The following MFHAS1 variants were observed in gnomAD, a reference collection of about 807,000 sequenced individuals.
MFHAS1 encodes multifunctional ROCO family signaling regulator 1, also known as malignant fibrous histiocytoma-amplified sequence 1.
In MFHAS1, 50 loss-of-function variants were observed where a neutral mutation model predicts 70.4. That is an observed-to-expected ratio of 0.71 (90% CI 0.57 to 0.90). The LOEUF is 0.90. Ranked by LOEUF, MFHAS1 falls within the 40% of genes least tolerant of loss-of-function variation. MFHAS1 has a pLI of 0.00. For missense variants in MFHAS1, 1,795 were observed against 1,347.6 expected, an observed-to-expected ratio of 1.33 and a Z score of -5.20; for synonymous variants, 952 against 620.0, an observed-to-expected ratio of 1.54 and a Z score of -7.96.
In MFHAS1 at chr8:8,892,922, T is replaced by C. The variant is rs555281714; in HGVS notation, c.137A>G (p.Asp46Gly). ...GGGGGAGGCGGGGGACTCGAGCGCG[T>C]CGGCCCCGGCCCCGGGGCAGGCCCC... ...AAGACPGAGADALESPASPQL... is the reference protein window; with the variant it reads ...AAGACPGAGAGALESPASPQL... Residue 46 changes from aspartate to glycine, a missense_variant, in exon 1 of 3, where the codon GAC (aspartate) becomes GGC (glycine). By Grantham distance (94) the Asp-to-Gly change is moderately conservative. Coordinates refer to ENST00000276282, the MANE Select transcript of MFHAS1 (RefSeq NM_004225.3). The surrounding 1 kb of genome is among the most constrained non-coding windows in gnomAD (Gnocchi z 4.7). The C allele has an allele frequency of 1.3e-6, 2 of 1,555,092 alleles. No homozygotes were observed. Among genetic ancestry groups the C allele is most frequent in the East Asian group, 2.4e-5 (1 of 41,374 alleles).
rs185179767 is a variant in MFHAS1 at position 8,784,641 on chromosome 8, G to C, written c.*1381C>G. 1.3e-5 allele frequency: 2 copies of C among 152,228 alleles called. No individual in the cohort carries two copies. The highest frequency in any genetic ancestry group is 1.3e-4 in the Admixed American group (2 of 15,290). The allele number at this position is 152,228 out of a possible 1,614,324, so 9.4% of individuals were successfully genotyped here. A position where few individuals can be genotyped will look rare whatever the true frequency, so the allele number is the denominator to read the frequency against. On this transcript the variant is annotated 3_prime_UTR_variant, in exon 3 of 3. Coordinates refer to ENST00000276282, the MANE Select transcript of MFHAS1 (RefSeq NM_004225.3). ...TTCCAAGAGTCAATACTTTACAAAA[G>C]AAGTAAAAGAGTAGCGAGTACCAGC...
In MFHAS1 at chr8:8,892,930, G is replaced by C. The variant is rs1174733837; in HGVS notation, c.129C>G (p.Ala43=). ...TLTAAGACPG[A]GADALESPAS... ...CGGGGGACTCGAGCGCGTCGGCCCC[G>C]GCCCCGGGGCAGGCCCCGGCGGCGG... The change falls in exon 1 of 3, where the codon GCC becomes GCG. Residue 43 remains alanine (A), a synonymous_variant. Transcript: ENST00000276282. This position sits in a 1 kb window ranked among gnomAD's most constrained non-coding sequence, Gnocchi z 4.7. The C allele has an allele frequency of 7.7e-6, 12 of 1,548,776 alleles. No homozygotes were observed. The highest frequency in any genetic ancestry group is 1.8e-4 in the Middle Eastern group (1 of 5,410).
In MFHAS1 at chr8:8,891,384, C is replaced by T. The variant is rs748875982; in HGVS notation, c.1675G>A (p.Ala559Thr). 26 of 1,611,628 alleles carry T rather than the reference C, an allele frequency of 1.6e-5. No individual in the cohort carries two copies. In the East Asian group the frequency reaches 1.8e-4, roughly 11 times the overall value. Reference sequence around the variant, plus strand: ...TCCGCGTCGTGCTTCTCCTGCAGGGCGATCTGGCGGTGAATGTCCAGACAT... The same window carrying T: ...TCCGCGTCGTGCTTCTCCTGCAGGGTGATCTGGCGGTGAATGTCCAGACAT... ...EKCLDIHRQI[A>T]LQEKHDAEGL... The change falls in exon 1 of 3, where the codon GCC (alanine) becomes ACC (threonine). Residue 559 changes from alanine (A) to threonine (T), a missense_variant. Ala to Thr is a moderately conservative substitution (Grantham distance 58). Transcript: ENST00000276282. This position sits in a 1 kb window ranked among gnomAD's most constrained non-coding sequence, Gnocchi z 5.4.
intron 1 of MFHAS1, among the ~76,000 whole-genome samples, chr8:8,832,076 A>ACACACACG (rs1554481396): frequency 6.6e-6 from 1 of 151,764 alleles, no homozygotes; most frequent in Non-Finnish European, 1.5e-5. Context: ...ACACACACAC[A>ACACACACG]CACACACACA....
At position 8,846,888 on chromosome 8, in the gene MFHAS1, G is replaced by C. The variant is rs116326848; in HGVS notation, c.2998+43173C>G. 6.7e-3 allele frequency among the ~76,000 whole-genome samples: 1,019 copies of C among 152,120 alleles called. 16 individuals are homozygous for C. The highest frequency in any genetic ancestry group is 0.023 in the African/African-American group (970 of 41,484). ...TAAAACCCATAAAAACAATGACTTTGTGCAGTGTCTACGATGACCTTTGAT... is the reference window on the plus strand; with the variant it reads ...TAAAACCCATAAAAACAATGACTTTCTGCAGTGTCTACGATGACCTTTGAT... On this transcript the variant is annotated intron_variant, in intron 1 of 2. Coordinates refer to ENST00000276282, the MANE Select transcript of MFHAS1 (RefSeq NM_004225.3).
At chr8:8,824,405 C>CCT (rs1314639399) in intron 1 of MFHAS1, among the ~76,000 whole-genome samples, 56 of 152,210 alleles carry the variant, frequency 3.7e-4, no homozygotes, top group African/African-American at 1.3e-3. Context: ...CAGAAAAGAT[C>CCT]CAGTCTCCCT....
chr8:8,848,911 G>A (rs1808134776), intron 1 of MFHAS1, among the ~76,000 whole-genome samples: 1 of 152,010 alleles, frequency 6.6e-6, no homozygotes, highest in African/African-American at 2.4e-5. Context: ...TTCTTCTGAA[G>A]GTAGGAAGAG....
intron 1 of MFHAS1, among the ~76,000 whole-genome samples, chr8:8,860,681 G>A (rs1448817923): frequency 6.6e-6 from 1 of 152,156 alleles, no homozygotes; most frequent in Non-Finnish European, 1.5e-5. Context: ...GCCTCACTTA[G>A]GACTGAGGGC....
intron 1 of MFHAS1, among the ~76,000 whole-genome samples, chr8:8,861,881 G>A (rs572271260): frequency 2.6e-5 from 4 of 152,280 alleles, no homozygotes; most frequent in East Asian, 1.9e-4. Context: ...CATCCATGTC[G>A]CTTTATCAGT....
chr8:8,832,731 C>T lies in MFHAS1; in HGVS notation c.2999-35240G>A, dbSNP rs541470518. Reference sequence around the variant, plus strand: ...GCCACCTTGAACTCCTAGGCTCAAGCGTTCCTCCCACTTCAGCCTCCTGAC... The same window carrying T: ...GCCACCTTGAACTCCTAGGCTCAAGTGTTCCTCCCACTTCAGCCTCCTGAC... On this transcript the variant is annotated intron_variant, in intron 1 of 2. Transcript: ENST00000276282. Among the ~76,000 whole-genome samples the T allele has an allele frequency of 4.8e-5, 7 of 146,272 alleles. No individual in the cohort carries two copies. In the South Asian group the frequency reaches 1.1e-3, roughly 23 times the overall value.
At chr8:8,867,365 T>C (rs904270012) in intron 1 of MFHAS1, among the ~76,000 whole-genome samples, 6 of 152,032 alleles carry the variant, frequency 3.9e-5, no homozygotes, top group African/African-American at 9.7e-5. Flanking sequence ...AAAAATAAAA[T>C]AAAACATTCC....
At chr8:8,882,102 C>T (rs1304345839) in intron 1 of MFHAS1, among the ~76,000 whole-genome samples, 2 of 151,964 alleles carry the variant, frequency 1.3e-5, no homozygotes, top group Non-Finnish European at 1.5e-5. Flanking sequence ...CATCACAGGC[C>T]GAGCATGGTG....
rs1333365250 is a variant in MFHAS1, at chr8:8,783,816, G to A, written c.*2206C>T. On this transcript the variant is annotated 3_prime_UTR_variant, in exon 3 of 3. Transcript: ENST00000276282. ...AATTTCTTGCATAGACAGCTGAAGAGTCCTGTAGAGCAGAGTGATTTTTGT... is the reference window on the plus strand; with the variant it reads ...AATTTCTTGCATAGACAGCTGAAGAATCCTGTAGAGCAGAGTGATTTTTGT... 6.6e-6 allele frequency: 1 copy of A among 152,150 alleles called. No homozygotes were observed. Among genetic ancestry groups the A allele is most frequent in the Non-Finnish European group, 1.5e-5 (1 of 68,032 alleles). 9.4% of individuals were successfully genotyped at this position (152,150 alleles called of 1,614,324 possible).
intron 2 of MFHAS1, among the ~76,000 whole-genome samples, chr8:8,789,834 G>C (rs1289082019): frequency 6.6e-6 from 1 of 151,970 alleles, no homozygotes; most frequent in South Asian, 2.1e-4. Flanking sequence ...AATCACCCCT[G>C]AGCCAGGTGC....
chr8:8,842,469 G>A (rs752201198), intron 1 of MFHAS1, among the ~76,000 whole-genome samples: 113 of 152,134 alleles, frequency 7.4e-4, no homozygotes, highest in Non-Finnish European at 1.4e-3. Flanking sequence ...TGTAATAGGC[G>A]TGAGCCACCA....
Position 8,838,170 on chromosome 8 carries a change from G to A in MFHAS1, c.2999-40679C>T, listed in dbSNP as rs140033577. On this transcript the variant is annotated intron_variant, in intron 1 of 2. Coordinates refer to ENST00000276282, the MANE Select transcript of MFHAS1 (RefSeq NM_004225.3). ...GAAAAGGTCAGACAAAAGACTATCC[G>A]TTAGGATTTCTACGAAGCTCTAGAC... Among the ~76,000 whole-genome samples the A allele has an allele frequency of 1.5e-3, 234 of 152,276 alleles. 3 individuals carry two copies. Among genetic ancestry groups the A allele is most frequent in the African/African-American group, 4.9e-3 (204 of 41,572 alleles).
intron 1 of MFHAS1, among the ~76,000 whole-genome samples, chr8:8,823,310 T>A: frequency 6.6e-6 from 1 of 152,212 alleles, no homozygotes. Context: ...AATGTTTCTC[T>A]CTGTATCCAG....
At chr8:8,787,589 G>C (rs1428796980) in intron 2 of MFHAS1, among the ~76,000 whole-genome samples, 2 of 152,184 alleles carry the variant, frequency 1.3e-5, no homozygotes, top group African/African-American at 4.8e-5. Flanking sequence ...TATTAATATA[G>C]TAAACTCCCA....
chr8:8,854,907 T>C (rs73190081), intron 1 of MFHAS1, among the ~76,000 whole-genome samples: 3,358 of 151,906 alleles, frequency 0.022, 85 homozygotes, highest in South Asian at 0.068. Flanking sequence ...TGGGGTTTTG[T>C]TTGTTTGTTT....
Sources: allele counts gnomAD v4.1 joint callset (sites outside exome capture counted in the v4.1 genomes callset), GRCh38; gene constraint gnomAD v4.1.1; non-coding constraint Gnocchi (gnomAD v3.1); transcripts MANE v1.5; gene names NCBI Gene and HGNC (gene_info 2026-07-23, HGNC 2026-07-21).